Variants in ENPP2 observed in about 807,000 individuals in gnomAD.
ENPP2 encodes autotaxin.
ENPP2 carries 51 observed loss-of-function variants against 120.2 expected under a neutral mutation model. The observed-to-expected ratio is 0.42, with a 90% CI of 0.34 to 0.54. ENPP2 has a LOEUF of 0.54. ENPP2 is among the 20% of genes least tolerant of loss of function. The pLI is 0.04. For missense variants in ENPP2, 920 were observed against 1,066.5 expected, an observed-to-expected ratio of 0.86 and a Z score of 1.91; for synonymous variants, 365 against 366.4, an observed-to-expected ratio of 1.00 and a Z score of 0.04.
At position 119,620,794 on chromosome 8, in the gene ENPP2, G is replaced by T. The variant is rs181564052; in HGVS notation, c.418+600C>A. ...ACACTCATGCATATATGGCTTTGGG[G>T]TATAACAGGAAATGCTGGCCCCCTC... On this transcript the variant is annotated intron_variant, in intron 4 of 24. Transcript: ENST00000075322. Among the ~76,000 whole-genome samples the T allele has an allele frequency of 1.2e-3, 181 of 152,306 alleles. 1 individual carries two copies. Among genetic ancestry groups the T allele is most frequent in the Non-Finnish European group, 2.3e-3 (157 of 68,028 alleles).
At chr8:119,642,166 G>A (rs1414738852), upstream of ENPP2, among the ~76,000 whole-genome samples, 1 of 151,914 alleles carries the variant, frequency 6.6e-6, no homozygotes, top group African/African-American at 2.4e-5. Context: ...TCCTTCTTTG[G>A]GGTTTAAACG....
Position 119,582,622 on chromosome 8 carries a change from G to A in ENPP2, c.1544-20C>T. ...GGAGATCTAATGAAAATTAAGAAAA[G>A]GAGGCAGGTGCTTCTTATATTTTTT... On this transcript the variant is annotated intron_variant, in intron 17 of 24. Coordinates refer to ENST00000075322, the MANE Select transcript of ENPP2 (RefSeq NM_001040092.3). 6.4e-7 allele frequency: 1 copy of A among 1,553,126 alleles called. No individual in the cohort carries two copies. Among genetic ancestry groups the A allele is most frequent in the Non-Finnish European group, 8.9e-7 (1 of 1,126,728 alleles).
intron 11 of ENPP2, among the ~76,000 whole-genome samples, chr8:119,597,908 T>C (rs1814016737): frequency 1.3e-5 from 2 of 152,216 alleles, no homozygotes; most frequent in African/African-American, 4.8e-5. Context: ...GAATTCATCT[T>C]ATTGTAGCAT....
chr8:119,603,929 G>A (rs751430145), intron 9 of ENPP2, among the ~76,000 whole-genome samples: 1 of 151,974 alleles, frequency 6.6e-6, no homozygotes, highest in African/African-American at 2.4e-5. Context: ...GACGCTGGAG[G>A]TCTGAGTAGC....
intron 2 of ENPP2, among the ~76,000 whole-genome samples, chr8:119,631,674 T>G (rs551685832): frequency 6.6e-6 from 1 of 152,292 alleles, no homozygotes; most frequent in East Asian, 1.9e-4. Flanking sequence ...GAGTGGAATA[T>G]TCACTCTGCC....
intron 1 of ENPP2, among the ~76,000 whole-genome samples, chr8:119,659,334 A>AAAAAAAAAAC (rs58435393): frequency 3.8e-5 from 5 of 130,788 alleles, no homozygotes; most frequent in Admixed American, 7.8e-5. Context: ...AAAAAAAAAA[A>AAAAAAAAAAC]AAACCAGAGT....
At chr8:119,564,670 G>A (rs534088405) in intron 23 of ENPP2, among the ~76,000 whole-genome samples, 153 bp downstream of exon 23, 15 of 150,902 alleles carry the variant, frequency 9.9e-5, no homozygotes, top group African/African-American at 2.9e-4. Context: ...AGAGCAAGAC[G>A]CCGTCTCAAA....
In ENPP2 at chr8:119,617,446, A is replaced by G. The variant is rs892462360; in HGVS notation, c.577+20T>C. The stretch of plus-strand genomic sequence containing the variant: ...GATCCTAGATTACAGATAAGAACAC[A>G]GAGTATGGAAATTACTTACTTAGTT... On this transcript the variant is annotated intron_variant, in intron 6 of 24. Coordinates refer to ENST00000075322, the MANE Select transcript of ENPP2 (RefSeq NM_001040092.3). 1 of 1,513,616 alleles carries G rather than the reference A, an allele frequency of 6.6e-7. No individual in the cohort carries two copies. 93.8% of individuals were successfully genotyped at this position (1,513,616 alleles called of 1,614,324 possible).
intron 11 of ENPP2, among the ~76,000 whole-genome samples, chr8:119,599,768 G>T (rs1326905323): frequency 6.6e-6 from 1 of 152,158 alleles, no homozygotes; most frequent in Non-Finnish European, 1.5e-5. Flanking sequence ...CACTTTGGGA[G>T]GCCAAGGCTG....
chr8:119,659,118 C>T (rs963392420), intron 1 of ENPP2, among the ~76,000 whole-genome samples: 4 of 151,892 alleles, frequency 2.6e-5, no homozygotes, highest in African/African-American at 9.7e-5. Context: ...AGTTCAAGAC[C>T]AGCCTGGGCA....
At chr8:119,618,427 G>C (rs1815631407) in intron 5 of ENPP2, 1 of 442,634 alleles carries the variant, frequency 2.3e-6, no homozygotes. Flanking sequence ...TGTGGAACTG[G>C]GCACACTTCT....
At chr8:119,634,191 A>AATAC (rs5894490) in intron 2 of ENPP2, among the ~76,000 whole-genome samples, 50,740 of 147,562 alleles carry the variant, frequency 0.34, 9,541 homozygotes, top group Admixed American at 0.42. Context: ...TCAAAAAATA[A>AATAC]ATACATACAT....
rs1274445685 is a variant in ENPP2 at position 119,564,915 on chromosome 8, A to G, written c.2172T>C (p.Tyr724=). 1.2e-6 allele frequency: 2 copies of G among 1,613,468 alleles called. No individual in the cohort carries two copies. The highest frequency in any genetic ancestry group is 3.3e-5 in the Admixed American group (2 of 60,014). ...NYFQRVLVKK[Y]ASERNGVNVI... ...CGTTAACTCCATTTCTTTCCGAAGCATATTTCTTCACCAATACCCTTTGGA... is the reference window on the plus strand; with the variant it reads ...CGTTAACTCCATTTCTTTCCGAAGCGTATTTCTTCACCAATACCCTTTGGA... Residue 724 remains tyrosine (Y), a synonymous_variant, in exon 23 of 25, where the codon TAT becomes TAC. Transcript: ENST00000075322.
rs33966650 is a variant in ENPP2 at position 119,644,587 on chromosome 8, AATATATATATAT to A, written c.22-6072_22-6061del. On this transcript the variant is annotated intron_variant, in intron 1 of 25. Coordinates refer to the ENPP2 transcript ENST00000427067. ...TTCTGCTGTGACTGGAGATTACTAAAATATATATATATATATATATATATATATATATATATA... is the reference window on the plus strand; with the variant it reads ...TTCTGCTGTGACTGGAGATTACTAAAATATATATATATATATATATATATA... Among the ~76,000 whole-genome samples the A allele has an allele frequency of 9.8e-3, 586 of 59,976 alleles. 20 individuals are homozygous for A. The highest frequency in any genetic ancestry group is 0.015 in the Middle Eastern group (2 of 136). 39.3% of individuals were successfully genotyped at this position (59,976 alleles called of 152,430 possible).
chr8:119,609,881 AAAT>A (rs1012844717), intron 8 of ENPP2, among the ~76,000 whole-genome samples: 3 of 152,210 alleles, frequency 2.0e-5, no homozygotes, highest in African/African-American at 7.2e-5. Flanking sequence ...CTTTTAATAC[AAAT>A]TTCTCAAATA....
chr8:119,646,411 A>G (rs544793112), intron 1 of ENPP2, among the ~76,000 whole-genome samples: 1 of 152,280 alleles, frequency 6.6e-6, no homozygotes, highest in East Asian at 1.9e-4. Flanking sequence ...TACCTACTGA[A>G]TGAGAAACTC....
Position 119,644,188 on chromosome 8 carries a change from G to A in ENPP2, c.22-5661C>T, listed in dbSNP as rs796403462. Among the ~76,000 whole-genome samples, 14 of 152,144 alleles carry A rather than the reference G, an allele frequency of 9.2e-5. 2 individuals are homozygous for A. The highest frequency in any genetic ancestry group is 5.2e-4 in the Admixed American group (8 of 15,290). ...GATTTTGAAGCATTAATCTCTGCAC[G>A]GTGTAGATATGAATCAGAGGGAGTC... On this transcript the variant is annotated intron_variant, in intron 1 of 25. Coordinates refer to the ENPP2 transcript ENST00000427067.
At chr8:119,593,893 G>T in intron 11 of ENPP2, 33 bp from the exon 12 acceptor site, 3 of 1,243,570 alleles carry the variant, frequency 2.4e-6, no homozygotes, top group Non-Finnish European at 1.2e-6. Context: ...TCCCCACAGG[G>T]TTTTCTTTCT....
chr8:119,617,293 T>C (rs765115685), intron 6 of ENPP2, 50 bp from the exon 7 acceptor site: 1 of 1,442,032 alleles, frequency 6.9e-7, no homozygotes, highest in East Asian at 2.3e-5. Flanking sequence ...CAGGAATTGC[T>C]TATAGAAAAT....
Sources: gnomAD v4.1 joint callset for allele counts (sites outside exome capture counted in the v4.1 genomes callset) on GRCh38, gnomAD v4.1.1 for gene constraint, MANE v1.5 for transcripts, NCBI Gene and HGNC (gene_info 2026-07-23, HGNC 2026-07-21) for gene names.